The following PDE4B variants were observed in gnomAD, a reference collection of about 807,000 sequenced individuals.
PDE4B encodes phosphodiesterase 4B.
A neutral mutation model predicts 82.2 loss-of-function variants in PDE4B; 20 were observed. The observed-to-expected ratio is 0.24, with a 90% CI of 0.17 to 0.35. PDE4B has a LOEUF of 0.35. Among genes scored for constraint, PDE4B ranks in the 10% least tolerant of loss-of-function variants. PDE4B has a pLI of 1.00. For synonymous variants in PDE4B, 320 were observed against 318.9 expected, an observed-to-expected ratio of 1.00 and a Z score of -0.04; for missense variants, 655 against 907.2, an observed-to-expected ratio of 0.72 and a Z score of 3.57.
chr1:66,121,077 G>A (rs10157331), intron 3 of PDE4B, among the ~76,000 whole-genome samples: 18,291 of 152,102 alleles, frequency 0.12, 2,750 homozygotes, highest in African/African-American at 0.35. Flanking sequence ...GGTACCATGA[G>A]GTCCTTAAGG....
chr1:66,205,540 C>T (rs1218591917), intron 3 of PDE4B, among the ~76,000 whole-genome samples: 1 of 152,174 alleles, frequency 6.6e-6, no homozygotes. Context: ...AAAGTAACAG[C>T]AGTGACAATA....
chr1:65,962,111 C>T (rs568315493), intron 3 of PDE4B, among the ~76,000 whole-genome samples: 18 of 152,216 alleles, frequency 1.2e-4, no homozygotes, highest in African/African-American at 2.9e-4. Flanking sequence ...CTTTAGCCTA[C>T]GGTTGGGCAA....
chr1:66,013,501 CA>C, intron 3 of PDE4B, among the ~76,000 whole-genome samples: 1 of 152,108 alleles, frequency 6.6e-6, no homozygotes, highest in South Asian at 2.1e-4. Context: ...AAACACAACC[CA>C]AAATTTACCA....
At chr1:66,121,007 G>T (rs114644672) in intron 3 of PDE4B, among the ~76,000 whole-genome samples, 1,524 of 152,098 alleles carry the variant, frequency 0.01, 33 homozygotes, top group African/African-American at 0.035. Flanking sequence ...TGTACATTGT[G>T]GACACTAAAC....
chr1:66,315,131 C>A (rs1451758685), intron 7 of PDE4B, among the ~76,000 whole-genome samples: 1 of 152,202 alleles, frequency 6.6e-6, no homozygotes, highest in Admixed American at 6.5e-5. Flanking sequence ...TTAATGATAA[C>A]AAATCTATCT....
chr1:66,214,668 C>A (rs1015853425), intron 3 of PDE4B, among the ~76,000 whole-genome samples: 2 of 151,974 alleles, frequency 1.3e-5, no homozygotes, highest in African/African-American at 4.8e-5. Flanking sequence ...GATTAAGAAT[C>A]TGTAGATCAG....
chr1:66,171,045 T>C (rs1216406952), intron 3 of PDE4B, among the ~76,000 whole-genome samples: 1 of 152,266 alleles, frequency 6.6e-6, no homozygotes, highest in East Asian at 1.9e-4. Context: ...TACTTTCGGG[T>C]GGTGTTGATG....
chr1:66,221,537 A>G lies in PDE4B; in HGVS notation c.282-25923A>G, dbSNP rs199762873. Among the ~76,000 whole-genome samples the G allele has an allele frequency of 5.9e-5, 9 of 152,236 alleles. No homozygotes were observed. In the East Asian group the frequency reaches 1.5e-3, roughly 26 times the overall value. ...CAACACTCTGAAATATACAGGCAGT[A>G]TTAAAACTGTGTTATAGATTAGGTA... On this transcript the variant is annotated intron_variant, in intron 3 of 16. Coordinates refer to ENST00000341517, the MANE Select transcript of PDE4B (RefSeq NM_002600.4).
chr1:65,850,729 T>A (rs988574431), intron 1 of PDE4B, among the ~76,000 whole-genome samples: 2 of 152,182 alleles, frequency 1.3e-5, no homozygotes, highest in Non-Finnish European at 2.9e-5. Flanking sequence ...CCCCCAAATA[T>A]ATGTTACAAA....
chr1:66,311,896 C>T (rs931259008), intron 7 of PDE4B, among the ~76,000 whole-genome samples: 1 of 152,168 alleles, frequency 6.6e-6, no homozygotes, highest in Admixed American at 6.5e-5. Flanking sequence ...CTCTGAGCAC[C>T]GCATATAGGG....
At chr1:66,097,862 G>GGT (rs1344675572) in intron 3 of PDE4B, among the ~76,000 whole-genome samples, 11 of 139,006 alleles carry the variant, frequency 7.9e-5, no homozygotes, top group African/African-American at 2.6e-4. Context: ...TTGCTGCTGG[G>GGT]TTTTTTTTTT....
At chr1:66,116,772 C>T (rs1466669098) in intron 3 of PDE4B, among the ~76,000 whole-genome samples, 1 of 152,126 alleles carries the variant, frequency 6.6e-6, no homozygotes, top group African/African-American at 2.4e-5. Context: ...GCCATGTTGC[C>T]CAGGCTGGTC....
In PDE4B at chr1:66,259,258, A is replaced by C. The variant is rs374150622; in HGVS notation, c.584+1395A>C. On this transcript the variant is annotated intron_variant, in intron 6 of 16. Coordinates refer to ENST00000341517, the MANE Select transcript of PDE4B (RefSeq NM_002600.4). ...CAAATAACTACTGGGCACCCCCATCAGTACCAGGCACTGGTAATATAATAG... is the reference window on the plus strand; with the variant it reads ...CAAATAACTACTGGGCACCCCCATCCGTACCAGGCACTGGTAATATAATAG... Among the ~76,000 whole-genome samples, 41 of 152,314 alleles carry C rather than the reference A, an allele frequency of 2.7e-4. No homozygotes were observed. In the East Asian group the frequency reaches 5.6e-3, roughly 21 times the overall value.
At chr1:66,173,040 G>T (rs745467901) in intron 3 of PDE4B, among the ~76,000 whole-genome samples, 5 of 152,094 alleles carry the variant, frequency 3.3e-5, no homozygotes, top group African/African-American at 7.2e-5. Context: ...AACAATTATT[G>T]GTGTGTATAC....
intron 3 of PDE4B, among the ~76,000 whole-genome samples, chr1:66,067,168 T>C (rs985828442): frequency 6.6e-6 from 1 of 152,010 alleles, no homozygotes; most frequent in Non-Finnish European, 1.5e-5. Context: ...TGTGTCTTTA[T>C]AGTAGCATGA....
At chr1:66,361,114 A>C (rs58546059) in intron 9 of PDE4B, among the ~76,000 whole-genome samples, 2,085 of 152,318 alleles carry the variant, frequency 0.014, 41 homozygotes, top group African/African-American at 0.048. Flanking sequence ...CTAAAGCCAT[A>C]TGGATTTTTA....
intron 3 of PDE4B, among the ~76,000 whole-genome samples, chr1:65,954,779 G>T (rs1300107111): frequency 6.6e-6 from 1 of 151,852 alleles, no homozygotes; most frequent in East Asian, 1.9e-4. Context: ...GTTCTCATTT[G>T]TTTGTGCATG....
chr1:66,042,603 C>A (rs972015248), intron 3 of PDE4B: 12 of 151,652 alleles, frequency 7.9e-5, no homozygotes, highest in African/African-American at 2.9e-4. Context: ...TTCCAGCATA[C>A]AACAAGCTCT....
intron 3 of PDE4B, among the ~76,000 whole-genome samples, chr1:66,126,861 A>G (rs1645834658): frequency 6.6e-6 from 1 of 152,224 alleles, no homozygotes; most frequent in Non-Finnish European, 1.5e-5. Flanking sequence ...TACATTTAAT[A>G]TCAACAGTAA....
Sources: allele counts gnomAD v4.1 joint callset (sites outside exome capture counted in the v4.1 genomes callset), GRCh38; gene constraint gnomAD v4.1.1; transcripts MANE v1.5; gene names NCBI Gene and HGNC (gene_info 2026-07-23, HGNC 2026-07-21).